POLR1C: variants seen among roughly 807,000 people sequenced by gnomAD.
The protein encoded by POLR1C is RNA polymerase I and III subunit C.
POLR1C carries 42 observed loss-of-function variants against 38.3 expected under a neutral mutation model. The observed-to-expected ratio is 1.10, with a 90% CI of 0.86 to 1.42. The LOEUF (loss-of-function observed/expected upper bound fraction) is 1.42, where lower values mean the gene tolerates loss of function less well. Ranked by LOEUF, POLR1C falls within the 40% of genes most tolerant of loss-of-function variation. The pLI, the probability that POLR1C is intolerant of heterozygous loss-of-function variation, is 0.00. For missense variants in POLR1C, 507 were observed against 450.5 expected, an observed-to-expected ratio of 1.13 and a Z score of -1.14; for synonymous variants, 163 against 163.9, an observed-to-expected ratio of 0.99 and a Z score of 0.04.
At chr6:43,529,278 C>T in exon 9 of POLR1C, 1 of 1,328,714 alleles carries the variant, frequency 7.5e-7, no homozygotes, top group Non-Finnish European at 1.0e-6. Flanking sequence ...TGCGGTGGCT[C>T]ACACCTGTAA....
downstream of POLR1C, chr6:43,526,368 TAC>T (rs1416526323): frequency 6.8e-6 from 3 of 442,270 alleles, no homozygotes; most frequent in Non-Finnish European, 8.3e-6. Flanking sequence ...AGCAGAGGAA[TAC>T]AGAGTAGCTG....
downstream of POLR1C, chr6:43,522,481 C>T (rs1486765674): frequency 5.6e-6 from 1 of 179,626 alleles, no homozygotes; most frequent in Non-Finnish European, 1.2e-5. Flanking sequence ...ACAACTACAT[C>T]CTCCACAGCC....
At chr6:43,524,647 A>AG (rs760071439), downstream of POLR1C, 9 of 1,612,026 alleles carry the variant, frequency 5.6e-6, no homozygotes, top group Admixed American at 1.3e-4. Context: ...TGATATCAGC[A>AG]GGGATAAACT....
At chr6:43,535,499 G>A (rs9472070) in intron 9 of POLR1C, among the ~76,000 whole-genome samples, 2,794 of 152,218 alleles carry the variant, frequency 0.018, 102 homozygotes, top group African/African-American at 0.063. Context: ...GATGCAAACT[G>A]AAAACATCTT....
chr6:43,525,746 A>G (rs1327687516), downstream of POLR1C: 8 of 1,360,080 alleles, frequency 5.9e-6, no homozygotes, highest in African/African-American at 7.3e-5. Flanking sequence ...GAGTATTACA[A>G]AAAACTCTTG....
At chr6:43,525,474 T>A, downstream of POLR1C, 1 of 510,528 alleles carries the variant, frequency 2.0e-6, no homozygotes, top group East Asian at 3.3e-5. Context: ...GCAGGAAAAA[T>A]AAAAGGAGTT....
At chr6:43,524,063 T>A (rs1793373649), downstream of POLR1C, 1 of 1,583,510 alleles carries the variant, frequency 6.3e-7, no homozygotes. Context: ...GTTAAAAGAT[T>A]CTCTTGGCCC....
chr6:43,525,537 A>G (rs2127698915), downstream of POLR1C: 1 of 511,352 alleles, frequency 2.0e-6, no homozygotes, highest in South Asian at 2.8e-5. Context: ...TCAAAATGTG[A>G]GAAAACCTGT....
intron 9 of POLR1C, among the ~76,000 whole-genome samples, chr6:43,543,695 C>T (rs770826354): frequency 2.0e-5 from 3 of 151,212 alleles, no homozygotes; most frequent in Non-Finnish European, 4.4e-5. Context: ...TTTTTTGAGA[C>T]GGAGTCTTCC....
At chr6:43,551,742 G>C (rs932401256) in intron 10 of POLR1C, among the ~76,000 whole-genome samples, 10 of 152,028 alleles carry the variant, frequency 6.6e-5, no homozygotes, top group African/African-American at 2.4e-4. Flanking sequence ...TGTCGACCAG[G>C]CTGGTCTCAA....
At chr6:43,526,970 G>A in intron 8 of POLR1C, 1 of 540,090 alleles carries the variant, frequency 1.9e-6, no homozygotes, top group Non-Finnish European at 3.4e-6. Context: ...GAAAATTACA[G>A]AATTCTCTGA....
At chr6:43,534,014 G>T, downstream of POLR1C, 1 of 1,591,766 alleles carries the variant, frequency 6.3e-7, no homozygotes, top group Non-Finnish European at 8.6e-7. Flanking sequence ...GGTTCTGAAA[G>T]AAACAAGAAT....
intron 10 of POLR1C, chr6:43,555,719 T>C: frequency 7.9e-7 from 1 of 1,267,698 alleles, no homozygotes; most frequent in Non-Finnish European, 1.0e-6. Flanking sequence ...AGCAAAGCTA[T>C]TTTTGAATAG....
chr6:43,547,780 C>T (rs1274566096), intron 9 of POLR1C: 8 of 1,354,926 alleles, frequency 5.9e-6, no homozygotes, highest in Non-Finnish European at 8.4e-6. Context: ...CAGGAGTTAA[C>T]AGGCTATCAT....
chr6:43,538,885 G>T, intron 9 of POLR1C: 1 of 1,284,514 alleles, frequency 7.8e-7, no homozygotes, highest in Non-Finnish European at 1.1e-6. Flanking sequence ...GGGTCTTGAC[G>T]AGGTGGTCAG....
chr6:43,548,472 AAAG>A, intron 9 of POLR1C: 1 of 1,524,948 alleles, frequency 6.6e-7, no homozygotes, highest in Non-Finnish European at 8.9e-7. Flanking sequence ...TACAGATCAA[AAAG>A]AAAAAAAGCC....
intron 9 of POLR1C, among the ~76,000 whole-genome samples, chr6:43,550,699 A>C (rs1359327438): frequency 1.3e-5 from 2 of 152,180 alleles, no homozygotes; most frequent in African/African-American, 4.8e-5. Flanking sequence ...TGTCTCCATA[A>C]AGATGTTCTA....
intron 9 of POLR1C, chr6:43,549,625 T>A: frequency 4.4e-6 from 7 of 1,592,528 alleles, no homozygotes; most frequent in Non-Finnish European, 6.0e-6. Context: ...TAATATAATA[T>A]ACAGGTGCTG....
At chr6:43,562,388 A>G in exon 11 of POLR1C, 1 of 1,420,308 alleles carries the variant, frequency 7.0e-7, no homozygotes, top group Non-Finnish European at 9.8e-7. Flanking sequence ...AAAATTAAAA[A>G]GGCTGTAATA....
Sources: gnomAD v4.1 joint callset for allele counts (sites outside exome capture counted in the v4.1 genomes callset) on GRCh38, gnomAD v4.1.1 for gene constraint, MANE v1.5 for transcripts, NCBI Gene and HGNC (gene_info 2026-07-23, HGNC 2026-07-21) for gene names.